TECRL: variants seen among roughly 807,000 people sequenced by gnomAD.
The protein encoded by TECRL is trans-2,3-enoyl-CoA reductase-like.
A neutral mutation model predicts 52.8 loss-of-function variants in TECRL; 63 were observed. That is an observed-to-expected ratio of 1.19 (90% CI 0.97 to 1.47). TECRL has a LOEUF of 1.47. Among genes scored for constraint, TECRL ranks in the 40% most tolerant of loss-of-function variants. TECRL has a pLI of 0.00. For missense variants in TECRL, 482 were observed against 429.6 expected, an observed-to-expected ratio of 1.12 and a Z score of -1.08; for synonymous variants, 164 against 141.9, an observed-to-expected ratio of 1.16 and a Z score of -1.10.
At chr4:64,357,732 T>C (rs934402501) in intron 2 of TECRL, among the ~76,000 whole-genome samples, 9 of 151,426 alleles carry the variant, frequency 5.9e-5, no homozygotes, top group African/African-American at 1.9e-4. Flanking sequence ...ATTTTAAAAA[T>C]TAGATGAAAA....
intron 9 of TECRL, among the ~76,000 whole-genome samples, chr4:64,283,876 A>G (rs1044181320): frequency 1.3e-5 from 2 of 152,102 alleles, no homozygotes; most frequent in Admixed American, 6.6e-5. Context: ...AAAGCAACAC[A>G]GAAGGCACTA....
rs112967017 is a variant in TECRL at position 64,291,417 on chromosome 4, T to G, written c.775-1650A>C. Among the ~76,000 whole-genome samples, 1,346 of 152,112 alleles carry G rather than the reference T, an allele frequency of 8.8e-3. 18 individuals are homozygous for G. Among genetic ancestry groups the G allele is most frequent in the African/African-American group, 0.031 (1,282 of 41,544 alleles). ...TAGTCTTCGTATCTTTTGTACATCT[T>G]TCAACTTAGACAGCTTGTCATATTC... On this transcript the variant is annotated intron_variant, in intron 8 of 11. Transcript: ENST00000381210.
chr4:64,365,549 C>T (rs72614755), intron 2 of TECRL, among the ~76,000 whole-genome samples: 34,725 of 151,848 alleles, frequency 0.23, 4,119 homozygotes, highest in Middle Eastern at 0.3. Flanking sequence ...AATACAAAAC[C>T]AATGTACAAT....
At chr4:64,358,566 C>T (rs1380137379) in intron 2 of TECRL, among the ~76,000 whole-genome samples, 1 of 151,490 alleles carries the variant, frequency 6.6e-6, no homozygotes, top group Non-Finnish European at 1.5e-5. Context: ...AATGAAAATG[C>T]TAGCAGTAAG....
At chr4:64,319,291 G>A (rs945121804) in intron 4 of TECRL, among the ~76,000 whole-genome samples, 1 of 151,120 alleles carries the variant, frequency 6.6e-6, no homozygotes, top group African/African-American at 2.4e-5. Context: ...CATTAAAAAT[G>A]TGAAATTTAC....
intron 7 of TECRL, among the ~76,000 whole-genome samples, chr4:64,301,488 G>A (rs1724015841): frequency 6.6e-6 from 1 of 150,990 alleles, no homozygotes; most frequent in Non-Finnish European, 1.5e-5. Flanking sequence ...ACTGAACTTT[G>A]CGCTTGTGAG....
At chr4:64,300,637 T>C (rs1723964833) in intron 7 of TECRL, among the ~76,000 whole-genome samples, 1 of 151,010 alleles carries the variant, frequency 6.6e-6, no homozygotes, top group Non-Finnish European at 1.5e-5. Flanking sequence ...ATAGAATTAT[T>C]TGATAAACCT....
intron 1 of TECRL, among the ~76,000 whole-genome samples, chr4:64,386,609 A>G (rs1290452079): frequency 6.6e-6 from 1 of 152,086 alleles, no homozygotes; most frequent in Non-Finnish European, 1.5e-5. Context: ...TTTATCCTTC[A>G]TTGTCTTTTA....
chr4:64,306,479 T>C (rs1001490420), intron 6 of TECRL, among the ~76,000 whole-genome samples: 2 of 152,170 alleles, frequency 1.3e-5, no homozygotes, highest in Non-Finnish European at 2.9e-5. Flanking sequence ...ATTTTCTTTC[T>C]TTTGAGACTA....
At chr4:64,374,006 G>GTATAGTATATAGTA (rs377324094) in intron 2 of TECRL, among the ~76,000 whole-genome samples, 1 of 135,190 alleles carries the variant, frequency 7.4e-6, no homozygotes, top group Non-Finnish European at 1.5e-5. Context: ...CTATACTATA[G>GTATAGTATATAGTA]TATAGTATAT....
intron 2 of TECRL, among the ~76,000 whole-genome samples, chr4:64,362,771 C>G (rs1002550484): frequency 6.6e-6 from 1 of 151,948 alleles, no homozygotes; most frequent in African/African-American, 2.4e-5. Flanking sequence ...TACATTGACT[C>G]TAAAAACAAG....
chr4:64,298,230 T>A (rs1209687667), intron 8 of TECRL, among the ~76,000 whole-genome samples: 2 of 151,244 alleles, frequency 1.3e-5, no homozygotes, highest in Non-Finnish European at 3.0e-5. Context: ...CAATTAAAGT[T>A]ATCACATTTA....
intron 1 of TECRL, among the ~76,000 whole-genome samples, chr4:64,398,948 G>A (rs1346969717): frequency 6.6e-6 from 1 of 152,146 alleles, no homozygotes; most frequent in East Asian, 1.9e-4. Flanking sequence ...CCACAGCAGA[G>A]AGCATGGGTG....
chr4:64,328,675 T>A, intron 2 of TECRL, 119 bp from the exon 3 acceptor site: 2 of 788,832 alleles, frequency 2.5e-6, no homozygotes, highest in Non-Finnish European at 4.2e-6. Flanking sequence ...GGTTATCTAG[T>A]GTCAGAAATA....
chr4:64,340,470 C>A (rs994847675), intron 2 of TECRL, among the ~76,000 whole-genome samples: 1 of 152,230 alleles, frequency 6.6e-6, no homozygotes, highest in African/African-American at 2.4e-5. Context: ...AAAGTTGGGA[C>A]CAAGCCCAGG....
chr4:64,312,824 C>CT (rs1325202833), intron 5 of TECRL, among the ~76,000 whole-genome samples: 1 of 150,852 alleles, frequency 6.6e-6, no homozygotes, highest in Non-Finnish European at 1.5e-5. Flanking sequence ...CTAAAGAAAA[C>CT]TTTTTTCATG....
At chr4:64,325,686 T>A (rs1718215015) in intron 3 of TECRL, among the ~76,000 whole-genome samples, 1 of 152,056 alleles carries the variant, frequency 6.6e-6, no homozygotes, top group Admixed American at 6.6e-5. Flanking sequence ...GGACAAAAAA[T>A]TCAGCTGGCT....
intron 10 of TECRL, 38 bp from the exon 11 acceptor site, chr4:64,281,124 G>GGAATCTA: frequency 6.6e-7 from 1 of 1,520,652 alleles, no homozygotes; most frequent in Non-Finnish European, 9.0e-7. Flanking sequence ...ATACATAAAT[G>GGAATCTA]GAATCTAGTA....
At chr4:64,324,502 G>T (rs1031836674) in intron 3 of TECRL, among the ~76,000 whole-genome samples, 20 of 151,804 alleles carry the variant, frequency 1.3e-4, no homozygotes, top group Non-Finnish European at 2.8e-4. Context: ...AATAAAAAAA[G>T]TTAATTTGCA....
Sources: allele counts gnomAD v4.1 joint callset (sites outside exome capture counted in the v4.1 genomes callset), GRCh38; gene constraint gnomAD v4.1.1; transcripts MANE v1.5; gene names NCBI Gene and HGNC (gene_info 2026-07-23, HGNC 2026-07-21).